The following ABCF3 variants were observed in gnomAD, a reference collection of about 807,000 sequenced individuals.
ABCF3 encodes the protein ATP binding cassette subfamily F member 3.
ABCF3 carries 62 observed loss-of-function variants against 94.3 expected under a neutral mutation model. The observed-to-expected ratio is 0.66, with a 90% CI of 0.54 to 0.81. The LOEUF (loss-of-function observed/expected upper bound fraction) is 0.81, where lower values mean the gene tolerates loss of function less well. Among genes scored for constraint, ABCF3 ranks in the 40% least tolerant of loss-of-function variants. The pLI is 0.00. For synonymous variants in ABCF3, 355 were observed against 361.1 expected (o/e 0.98, Z 0.19); for missense variants, 843 against 925.3 (o/e 0.91, Z 1.15).
intron 1 of ABCF3, 112 bp from the exon 2 acceptor site, chr3:184,186,395 C>T (rs1715620123): frequency 1.3e-6 from 2 of 1,583,384 alleles, no homozygotes; most frequent in South Asian, 1.1e-5. Context: ...GACCTCTTGT[C>T]CCGGGGGCTG....
rs747378033 is a variant in ABCF3, at chr3:184,187,768, G to C, written c.446+7G>C. ...TCAAGACCAGCAACCCTCTGTGAGTGGGGGAAGCATGGCTCAGAAGAGAGC... is the reference window on the plus strand; with the variant it reads ...TCAAGACCAGCAACCCTCTGTGAGTCGGGGAAGCATGGCTCAGAAGAGAGC... On this transcript the variant is annotated splice_region_variant and intron_variant, in intron 5 of 20. Transcript: ENST00000429586. 5.0e-6 allele frequency: 8 copies of C among 1,614,160 alleles called. No homozygotes were observed. The highest frequency in any genetic ancestry group is 1.1e-5 in the South Asian group (1 of 91,082).
At chr3:184,190,722 G>A (rs927360891) in intron 14 of ABCF3, 1 of 378,116 alleles carries the variant, frequency 2.6e-6, no homozygotes, top group Non-Finnish European at 4.9e-6. Context: ...ATTTTGAAGT[G>A]CCCTTTCTAT....
chr3:184,186,734 TG>T, intron 2 of ABCF3, 61 bp from the exon 3 acceptor site: 10 of 1,593,324 alleles, frequency 6.3e-6, no homozygotes, highest in Non-Finnish European at 8.6e-6. Flanking sequence ...GAGGAAGATC[TG>T]ATGGCCATAG....
At chr3:184,187,482 G>T in intron 4 of ABCF3, 39 bp downstream of exon 4, 1 of 1,597,690 alleles carries the variant, frequency 6.3e-7, no homozygotes, top group South Asian at 1.1e-5. Flanking sequence ...TGTCTGTGAT[G>T]GGGTTGGGAG....
chr3:184,193,224 A>C lies in ABCF3; in HGVS notation c.1873A>C (p.Thr625Pro). 3.2e-6 allele frequency: 5 copies of C among 1,568,816 alleles called. No homozygotes were observed. ...QKSRVAFAQM[T>P]MPCPNFYILD... Reference sequence around the variant, plus strand: ...GAGCCGAGTGGCCTTTGCTCAGATGACTATGCCCTGGTGAGGCCTCATTTT... The same window carrying C: ...GAGCCGAGTGGCCTTTGCTCAGATGCCTATGCCCTGGTGAGGCCTCATTTT... The change falls in exon 19 of 21, where the codon ACT becomes CCT. Residue 625 changes from threonine to proline, a missense_variant. By Grantham distance (38) the Thr-to-Pro change is conservative (BLOSUM62 -1). Transcript: ENST00000429586. The surrounding 1 kb of genome is among the most constrained non-coding windows in gnomAD (Gnocchi z 5.2).
chr3:184,188,491 T>A (rs1353541507), intron 7 of ABCF3, 84 bp downstream of exon 7: 1 of 1,515,666 alleles, frequency 6.6e-7, no homozygotes, highest in Admixed American at 1.9e-5. Flanking sequence ...ATAATTTGCA[T>A]GTACATCCTA....
rs752398179 is a variant in ABCF3, at chr3:184,188,372, G to C, written c.801G>C (p.Arg267Ser). ...SDSVREDLLR[R>S]ERELTAQIAA... ...GTGTGCGAGAGGATTTGCTACGGAG[G>C]GAGCGGGAGCTCACTGCCCAGATTG... Residue 267 changes from arginine (R) to serine (S), a missense_variant, in exon 7 of 21, where the codon AGG (arginine) becomes AGC (serine). Transcript: ENST00000429586. 5 of 1,611,924 alleles carry C rather than the reference G, an allele frequency of 3.1e-6. No homozygotes were observed. Among genetic ancestry groups the C allele is most frequent in the Non-Finnish European group, 1.7e-6 (2 of 1,178,778 alleles).
rs373175449 is a variant in ABCF3 at position 184,188,738 on chromosome 3, A to G, written c.837-23A>G. The G allele has an allele frequency of 6.4e-5, 104 of 1,613,014 alleles. No homozygotes were observed. The African/African-American group carries it at 1.1e-3, about 17-fold the overall frequency. ...TCCTAGACTGCCCCTGCTTAGGCCA[A>G]TTGCTGTTTCTCCTCCCTCCAGGGC... On this transcript the variant is annotated intron_variant, in intron 7 of 20. Transcript: ENST00000429586.
chr3:184,193,631 T>C lies in ABCF3; in HGVS notation c.2063T>C (p.Val688Ala). Residue 688 changes from valine (V) to alanine (A), a missense_variant, in exon 21 of 21, where the codon GTG becomes GCG. By Grantham distance (64) the Val-to-Ala change is moderately conservative (BLOSUM62 0). Coordinates refer to ENST00000429586, the MANE Select transcript of ABCF3 (RefSeq NM_018358.3). The surrounding 1 kb of genome is among the most constrained non-coding windows in gnomAD (Gnocchi z 5.2). Reference sequence around the variant, plus strand: ...TGCGAAGGAGGCGGCGTCACCCGTGTGGAAGGAGGATTTGACCAGTACCGC... The same window carrying C: ...TGCGAAGGAGGCGGCGTCACCCGTGCGGAAGGAGGATTTGACCAGTACCGC... ...WVCEGGGVTR[V>A]EGGFDQYRAL... is the part of the protein sequence containing the mutation. 1.2e-6 allele frequency: 2 copies of C among 1,614,128 alleles called. No individual in the cohort carries two copies. The highest frequency in any genetic ancestry group is 1.7e-6 in the Non-Finnish European group (2 of 1,179,988).
chr3:184,190,684 A>G (rs1202434569), intron 14 of ABCF3: 4 of 281,928 alleles, frequency 1.4e-5, no homozygotes, highest in Non-Finnish European at 2.7e-5. Flanking sequence ...TGCCTTAATA[A>G]CTAATGATAA....
chr3:184,186,719 TG>T, intron 2 of ABCF3, 65 bp downstream of exon 2: 1 of 1,589,684 alleles, frequency 6.3e-7, no homozygotes, highest in Non-Finnish European at 8.6e-7. Flanking sequence ...AGACAAGAGG[TG>T]GGGGAGGAAG....
chr3:184,187,312 T>C (rs1011295038), intron 3 of ABCF3, 85 bp from the exon 4 acceptor site: 36 of 1,486,474 alleles, frequency 2.4e-5, no homozygotes, highest in African/African-American at 5.5e-5. Flanking sequence ...AACATCTGTG[T>C]CTGTGCCTGG....
intron 17 of ABCF3, 35 bp downstream of exon 17, chr3:184,192,724 C>T: frequency 6.2e-7 from 1 of 1,609,224 alleles, no homozygotes; most frequent in Non-Finnish European, 8.5e-7. Context: ...CCCATGAGCA[C>T]ATTTGCAGGC....
rs1412446525 is a variant in ABCF3 at position 184,186,222 on chromosome 3, C to T, written c.15C>T (p.Ala5=). The change falls in exon 1 of 21, where the codon GCC becomes GCT. Residue 5 remains alanine, a synonymous_variant. Coordinates refer to ENST00000429586, the MANE Select transcript of ABCF3 (RefSeq NM_018358.3). MATC[A]EILRSEFPEI... is the part of the protein sequence containing the mutation. ...CTGAGTGGAACATGGCGACTTGCGC[C>T]GAAATCCTGCGGAGCGAGTTCCCCG... is the stretch of plus-strand genomic sequence containing the variant. The T allele has an allele frequency of 5.6e-6, 9 of 1,614,188 alleles. No individual in the cohort carries two copies. Among genetic ancestry groups the T allele is most frequent in the Non-Finnish European group, 6.8e-6 (8 of 1,180,036 alleles).
chr3:184,191,749 CT>C lies in ABCF3; in HGVS notation c.1569+508del, dbSNP rs375009324. On this transcript the variant is annotated intron_variant, in intron 16 of 20. Coordinates refer to ENST00000429586, the MANE Select transcript of ABCF3 (RefSeq NM_018358.3). ...GCATTTTTCTGTAGAGTTAGAGTTC[CT>C]TTTTTTTTTTTTTCGGAGACAGAGT... is the stretch of plus-strand genomic sequence containing the variant. 9.9e-4 allele frequency among the ~76,000 whole-genome samples: 114 copies of C among 114,642 alleles called. 3 individuals carry two copies. The highest frequency in any genetic ancestry group is 1.3e-3 in the Non-Finnish European group (70 of 55,840). The allele number at this position is 114,642 out of a possible 152,430, so 75.2% of individuals were successfully genotyped here.
chr3:184,189,363 A>C, intron 11 of ABCF3, 25 bp from the exon 12 acceptor site: 1 of 1,614,014 alleles, frequency 6.2e-7, no homozygotes, highest in Non-Finnish European at 8.5e-7. Context: ...TTCAATCCCA[A>C]GTGTGTGCTC....
In ABCF3 at chr3:184,191,110, CT is replaced by C; in HGVS notation, c.1437-12del. 3 of 1,614,224 alleles carry C rather than the reference CT, an allele frequency of 1.9e-6. No individual in the cohort carries two copies. The highest frequency in any genetic ancestry group is 2.5e-6 in the Non-Finnish European group (3 of 1,180,048). On this transcript the variant is annotated splice_polypyrimidine_tract_variant and intron_variant, in intron 15 of 20. Transcript: ENST00000429586. ...TCCAGCTGCCCCCACATCCTCACCC[CT>C]ACCTCCTGCAGGTTCCCTGATGGGT...
At position 184,191,135 on chromosome 3, in the gene ABCF3, G is replaced by A. The variant is rs763688435; in HGVS notation, c.1449G>A (p.Gly483=). The change falls in exon 16 of 21, where the codon GGG becomes GGA. Residue 483 remains glycine (G), a synonymous_variant. Coordinates refer to ENST00000429586, the MANE Select transcript of ABCF3 (RefSeq NM_018358.3). ...ESEVVMKFPD[G]FEKFSPPILQ... Reference sequence around the variant, plus strand: ...CTACCTCCTGCAGGTTCCCTGATGGGTTTGAGAAGTTCTCGCCGCCAATTC... The same window carrying A: ...CTACCTCCTGCAGGTTCCCTGATGGATTTGAGAAGTTCTCGCCGCCAATTC... 4 of 1,614,050 alleles carry A rather than the reference G, an allele frequency of 2.5e-6. No homozygotes were observed. The African/African-American group carries it at 4.0e-5, about 16-fold the overall frequency.
At chr3:184,186,685 G>A (rs375560604) in intron 2 of ABCF3, 31 bp downstream of exon 2, 47 of 1,592,846 alleles carry the variant, frequency 3.0e-5, no homozygotes, top group Middle Eastern at 1.7e-4. Flanking sequence ...GTTGATGGGG[G>A]CGAAGGGACG....
Sources: gnomAD v4.1 joint callset for allele counts (sites outside exome capture counted in the v4.1 genomes callset) on GRCh38, gnomAD v4.1.1 for gene constraint, Gnocchi (gnomAD v3.1) non-coding constraint, MANE v1.5 for transcripts, NCBI Gene and HGNC (gene_info 2026-07-23, HGNC 2026-07-21) for gene names.